The following CNTNAP2 variants were observed in gnomAD, a reference collection of about 807,000 sequenced individuals.
CNTNAP2 encodes contactin-associated protein-like 2.
A neutral mutation model predicts 155.2 loss-of-function variants in CNTNAP2; 98 were observed. The observed-to-expected ratio is 0.63, with a 90% CI of 0.54 to 0.75. The LOEUF (loss-of-function observed/expected upper bound fraction) is 0.75, where lower values mean the gene tolerates loss of function less well. Ranked by LOEUF, CNTNAP2 falls within the 30% of genes least tolerant of loss-of-function variation. CNTNAP2 has a pLI of 0.00. For synonymous variants in CNTNAP2, 651 were observed against 631.2 expected (o/e 1.03, Z -0.47); for missense variants, 1,727 against 1,688.1 (o/e 1.02, Z -0.40).
chr7:146,476,283 G>T (rs1293732017), intron 1 of CNTNAP2, among the ~76,000 whole-genome samples: 1 of 152,062 alleles, frequency 6.6e-6, no homozygotes, highest in East Asian at 1.9e-4. Context: ...TTCACCCAAA[G>T]AATCTTGTAA....
chr7:146,543,879 T>TTC (rs1797990375), intron 1 of CNTNAP2, among the ~76,000 whole-genome samples: 1 of 151,942 alleles, frequency 6.6e-6, no homozygotes, highest in South Asian at 2.1e-4. Context: ...CTTACTTATT[T>TTC]ATTCATTCAT....
chr7:147,275,058 A>T (rs1584837915), intron 8 of CNTNAP2, among the ~76,000 whole-genome samples: 1 of 152,066 alleles, frequency 6.6e-6, no homozygotes, highest in Non-Finnish European at 1.5e-5. Context: ...TTTGGTTATT[A>T]TAGCCTTACA....
rs1186575442 is a variant in CNTNAP2, at chr7:147,654,808, C to CTTTTTTTTTTTTTT, written c.2098+15512_2098+15525dup. Among the ~76,000 whole-genome samples, 9 of 97,308 alleles carry CTTTTTTTTTTTTTT rather than the reference C, an allele frequency of 9.2e-5. 1 individual carries two copies. Among genetic ancestry groups the CTTTTTTTTTTTTTT allele is most frequent in the Non-Finnish European group, 1.1e-4 (6 of 52,438 alleles). 63.8% of individuals were successfully genotyped at this position (97,308 alleles called of 152,430 possible). A position where few individuals can be genotyped will look rare whatever the true frequency, so the allele number is the denominator to read the frequency against. On this transcript the variant is annotated intron_variant, in intron 13 of 23. Coordinates refer to ENST00000361727, the MANE Select transcript of CNTNAP2 (RefSeq NM_014141.6). ...AGCTATAGCCTAGCAAAATATATTT[C>CTTTTTTTTTTTTTT]TTTTTTTTTTTTTTTTTTTTTTTGA...
chr7:147,337,975 G>T (rs826802), intron 9 of CNTNAP2, among the ~76,000 whole-genome samples: 60,864 of 151,950 alleles, frequency 0.4, 13,604 homozygotes, highest in African/African-American at 0.6. Context: ...GCATCTGAGT[G>T]GTTAGAATTT....
chr7:147,246,704 T>C (rs1437092733), intron 8 of CNTNAP2, among the ~76,000 whole-genome samples: 1 of 152,162 alleles, frequency 6.6e-6, no homozygotes, highest in Non-Finnish European at 1.5e-5. Context: ...TAGCAGAAGG[T>C]GATTTGCTTT....
At chr7:147,769,351 C>T (rs1386216790) in intron 13 of CNTNAP2, among the ~76,000 whole-genome samples, 1 of 151,932 alleles carries the variant, frequency 6.6e-6, no homozygotes, top group Non-Finnish European at 1.5e-5. Flanking sequence ...TTATCTGGCA[C>T]TTAAACACCA....
At chr7:146,522,774 A>G (rs1797633210) in intron 1 of CNTNAP2, among the ~76,000 whole-genome samples, 1 of 149,672 alleles carries the variant, frequency 6.7e-6, no homozygotes, top group African/African-American at 2.4e-5. Context: ...AATATCTATT[A>G]TGTTTTAAAA....
chr7:148,413,649 C>CAGTT (rs1799907943), intron 23 of CNTNAP2, among the ~76,000 whole-genome samples: 1 of 151,522 alleles, frequency 6.6e-6, no homozygotes, highest in South Asian at 2.1e-4. Flanking sequence ...ATTGTTCTAT[C>CAGTT]AGTTACTGAC....
chr7:146,950,297 ATTAC>A (rs1442655052), intron 3 of CNTNAP2, among the ~76,000 whole-genome samples: 1 of 151,980 alleles, frequency 6.6e-6, no homozygotes, highest in Non-Finnish European at 1.5e-5. Flanking sequence ...TATGCAGACA[ATTAC>A]TTTTCTTTCT....
chr7:146,932,341 G>A (rs568564075), intron 3 of CNTNAP2, among the ~76,000 whole-genome samples: 1,522 of 151,594 alleles, frequency 0.01, 25 homozygotes, highest in African/African-American at 0.035. Context: ...AAAACCACAT[G>A]ATTATCTCAA....
chr7:146,677,636 G>A (rs998036885), intron 1 of CNTNAP2, among the ~76,000 whole-genome samples: 4 of 151,884 alleles, frequency 2.6e-5, no homozygotes, highest in African/African-American at 9.7e-5. Flanking sequence ...GTTGTTCCGA[G>A]GAGTGCCCAA....
intron 1 of CNTNAP2, among the ~76,000 whole-genome samples, chr7:146,561,258 T>C (rs1326033596): frequency 6.6e-6 from 1 of 152,034 alleles, no homozygotes; most frequent in Non-Finnish European, 1.5e-5. Flanking sequence ...AAAGGTAATA[T>C]CTAAATTGTA....
intron 1 of CNTNAP2, among the ~76,000 whole-genome samples, chr7:146,329,653 C>T (rs1362063895): frequency 6.6e-6 from 1 of 152,196 alleles, no homozygotes; most frequent in Non-Finnish European, 1.5e-5. Context: ...TTTCTCTACT[C>T]TCTTGTTATG....
chr7:146,371,794 T>A (rs931983020), intron 1 of CNTNAP2, among the ~76,000 whole-genome samples: 39 of 151,624 alleles, frequency 2.6e-4, no homozygotes, highest in African/African-American at 9.4e-4. Context: ...GTCTCTACTT[T>A]AAAAAAATGC....
chr7:146,574,218 C>T (rs1054565744), intron 1 of CNTNAP2, among the ~76,000 whole-genome samples: 1 of 126,254 alleles, frequency 7.9e-6, no homozygotes. Flanking sequence ...CAAAACAAAA[C>T]AAAAATAACA....
Position 148,266,912 on chromosome 7 carries a change from T to C in CNTNAP2, c.3382-121T>C, listed in dbSNP as rs544132896. 5.6e-6 allele frequency: 5 copies of C among 897,936 alleles called. No individual in the cohort carries two copies. The East Asian group carries it at 1.2e-4, about 22-fold the overall frequency. The allele number at this position is 897,936 out of a possible 1,614,324, so 55.6% of individuals were successfully genotyped here. ...CGGGGTGGTGTTTTAGAGTCAGTGCTGATGAAATAAGATATCAGAAAACCA... is the reference window on the plus strand; with the variant it reads ...CGGGGTGGTGTTTTAGAGTCAGTGCCGATGAAATAAGATATCAGAAAACCA... On this transcript the variant is annotated intron_variant, in intron 20 of 23. Transcript: ENST00000361727.
chr7:146,657,059 C>G (rs1800007500), intron 1 of CNTNAP2, among the ~76,000 whole-genome samples: 1 of 152,130 alleles, frequency 6.6e-6, no homozygotes, highest in Middle Eastern at 3.4e-3. Context: ...ATCTTTTTGT[C>G]ATCTCTCTCT....
chr7:146,232,346 TA>T (rs1799400358), intron 1 of CNTNAP2, among the ~76,000 whole-genome samples: 2 of 151,696 alleles, frequency 1.3e-5, no homozygotes, highest in Non-Finnish European at 2.9e-5. Context: ...TATCAGCCTA[TA>T]TTTTTCATGA....
intron 1 of CNTNAP2, among the ~76,000 whole-genome samples, chr7:146,204,949 C>A (rs1365510339): frequency 6.6e-6 from 1 of 152,114 alleles, no homozygotes; most frequent in Non-Finnish European, 1.5e-5. Context: ...AAAACGAACT[C>A]TCCAAGAGAT....
Sources: allele counts gnomAD v4.1 joint callset (sites outside exome capture counted in the v4.1 genomes callset), GRCh38; gene constraint gnomAD v4.1.1; transcripts MANE v1.5; gene names NCBI Gene and HGNC (gene_info 2026-07-23, HGNC 2026-07-21).